The following RALGAPA2 variants were observed in gnomAD, a reference collection of about 807,000 sequenced individuals.
RALGAPA2 encodes Ral GTPase activating protein catalytic subunit alpha 2, also known as ral GTPase-activating protein subunit alpha-2.
Under a neutral mutation model 230.4 loss-of-function variants are expected in RALGAPA2, and 139 were observed. That is an observed-to-expected ratio of 0.60 (90% confidence interval 0.53 to 0.69). RALGAPA2 has a LOEUF of 0.69. Ranked by LOEUF, RALGAPA2 falls within the 30% of genes least tolerant of loss-of-function variation. RALGAPA2 has a pLI of 0.00. For synonymous variants in RALGAPA2, 847 were observed against 837.8 expected, an observed-to-expected ratio of 1.01 and a Z score of -0.19; for missense variants, 2,163 against 2,276.0, an observed-to-expected ratio of 0.95 and a Z score of 1.01.
intron 3 of RALGAPA2, among the ~76,000 whole-genome samples, chr20:20,661,708 G>A (rs2067784055): frequency 6.6e-6 from 1 of 152,090 alleles, no homozygotes; most frequent in African/African-American, 2.4e-5. Flanking sequence ...GTATAAGCAG[G>A]TTAAATTCCC....
chr20:20,488,710 C>A (rs983310026), intron 36 of RALGAPA2, among the ~76,000 whole-genome samples: 1 of 152,182 alleles, frequency 6.6e-6, no homozygotes, highest in South Asian at 2.1e-4. Context: ...CTCCTTCCTG[C>A]CCATTCTATC....
chr20:20,458,193 G>A (rs1367323781), intron 37 of RALGAPA2, among the ~76,000 whole-genome samples: 6 of 152,014 alleles, frequency 3.9e-5, no homozygotes, highest in Non-Finnish European at 7.4e-5. Context: ...GAAACATGCT[G>A]TAAAGAGAAA....
chr20:20,551,807 A>G (rs963525773), intron 23 of RALGAPA2, among the ~76,000 whole-genome samples: 1 of 152,210 alleles, frequency 6.6e-6, no homozygotes, highest in South Asian at 2.1e-4. Flanking sequence ...TGACCTTTAG[A>G]GCGATAAATG....
At chr20:20,472,770 T>C in intron 37 of RALGAPA2, 59 bp downstream of exon 37, 1 of 1,549,132 alleles carries the variant, frequency 6.5e-7, no homozygotes, top group Non-Finnish European at 8.7e-7. Context: ...TATGAAAAAC[T>C]GCCAGGAATC....
chr20:20,640,960 G>C, intron 5 of RALGAPA2, 82 bp from the exon 6 acceptor site: 1 of 1,256,178 alleles, frequency 8.0e-7, no homozygotes, highest in Non-Finnish European at 1.1e-6. Flanking sequence ...TCTTGAGAAA[G>C]AAAAACTACA....
intron 23 of RALGAPA2, among the ~76,000 whole-genome samples, chr20:20,557,813 T>C (rs1390909422): frequency 6.6e-6 from 1 of 152,142 alleles, no homozygotes; most frequent in African/African-American, 2.4e-5. Flanking sequence ...CATTCAATCT[T>C]TTAATTTAAC....
intron 12 of RALGAPA2, among the ~76,000 whole-genome samples, chr20:20,616,510 A>G (rs999880595): frequency 1.3e-5 from 2 of 152,216 alleles, no homozygotes; most frequent in Non-Finnish European, 2.9e-5. Flanking sequence ...CAACCCCTCA[A>G]CAAAAAAAGG....
Position 20,635,667 on chromosome 20 carries a change from T to C in RALGAPA2, c.806-50A>G, listed in dbSNP as rs750003068. 3.6e-6 allele frequency: 5 copies of C among 1,393,478 alleles called. No individual in the cohort carries two copies. The South Asian group carries it at 6.9e-5, about 19-fold the overall frequency. 86.3% of individuals were successfully genotyped at this position (1,393,478 alleles called of 1,614,324 possible). Reference sequence around the variant, plus strand: ...TGATTAGGTTAATAAATCATAACATTAAGTAATCCCTACAAATGTTTTGGT... The same window carrying C: ...TGATTAGGTTAATAAATCATAACATCAAGTAATCCCTACAAATGTTTTGGT... On this transcript the variant is annotated intron_variant, in intron 8 of 39. Coordinates refer to ENST00000202677, the MANE Select transcript of RALGAPA2 (RefSeq NM_020343.4).
At chr20:20,501,327 CTTAG>C (rs1200700541) in intron 35 of RALGAPA2, among the ~76,000 whole-genome samples, 2 of 152,250 alleles carry the variant, frequency 1.3e-5, no homozygotes, top group East Asian at 1.9e-4. Context: ...CATCAGTGAT[CTTAG>C]TTAGATCTTC....
chr20:20,628,830 T>A (rs2066575868), intron 10 of RALGAPA2, among the ~76,000 whole-genome samples: 1 of 152,184 alleles, frequency 6.6e-6, no homozygotes, highest in African/African-American at 2.4e-5. Context: ...ACACCTCTTT[T>A]CGTGTCTTGG....
At chr20:20,706,032 T>G (rs1355038712) in intron 1 of RALGAPA2, among the ~76,000 whole-genome samples, 1 of 152,218 alleles carries the variant, frequency 6.6e-6, no homozygotes, top group Non-Finnish European at 1.5e-5. Context: ...TAACCAAAAA[T>G]CAGTACTCTA....
At chr20:20,665,754 A>G (rs2067938455) in intron 3 of RALGAPA2, among the ~76,000 whole-genome samples, 1 of 152,212 alleles carries the variant, frequency 6.6e-6, no homozygotes, top group Admixed American at 6.5e-5. Flanking sequence ...TAGACATTTC[A>G]CAATCAAAAT....
intron 38 of RALGAPA2, among the ~76,000 whole-genome samples, chr20:20,405,936 C>G (rs1312610477): frequency 6.6e-6 from 1 of 152,202 alleles, no homozygotes; most frequent in African/African-American, 2.4e-5. Context: ...CCTTTCTATT[C>G]ACTCCTGTTG....
intron 20 of RALGAPA2, among the ~76,000 whole-genome samples, chr20:20,578,429 C>T (rs961108127): frequency 2.6e-5 from 4 of 152,082 alleles, no homozygotes; most frequent in East Asian, 1.9e-4. Context: ...CTACTTAATG[C>T]TATACGGGTG....
chr20:20,626,229 T>C (rs559409786), intron 10 of RALGAPA2, among the ~76,000 whole-genome samples: 1 of 152,324 alleles, frequency 6.6e-6, no homozygotes, highest in South Asian at 2.1e-4. Flanking sequence ...TTGTTTTCCA[T>C]AAAAGAGAAA....
chr20:20,458,519 T>A lies in RALGAPA2; in HGVS notation c.5495+14310A>T, dbSNP rs1449105120. 5.6e-4 allele frequency among the ~76,000 whole-genome samples: 77 copies of A among 137,370 alleles called. 1 individual carries two copies. Among genetic ancestry groups the A allele is most frequent in the Non-Finnish European group, 6.0e-4 (39 of 64,720 alleles). 90.1% of individuals were successfully genotyped at this position (137,370 alleles called of 152,430 possible). A position where few individuals can be genotyped will look rare whatever the true frequency, so the allele number is the denominator to read the frequency against. Reference sequence around the variant, plus strand: ...ATATATTATATATAATATATATGTATTTTATATATATTATATATAATATAT... The same window carrying A: ...ATATATTATATATAATATATATGTAATTTATATATATTATATATAATATAT... On this transcript the variant is annotated intron_variant, in intron 37 of 39. Transcript: ENST00000202677.
chr20:20,524,264 T>C, intron 30 of RALGAPA2, 142 bp downstream of exon 30: 7 of 1,196,326 alleles, frequency 5.9e-6, no homozygotes, highest in Non-Finnish European at 8.0e-6. Flanking sequence ...CCAAGTTATT[T>C]ACTTTTTAAG....
rs35240382 is a variant in RALGAPA2, at chr20:20,582,161, AGTGTGTGTGTGTGTGTGTGTGTGT to A, written c.2707+865_2707+888del. 3.4e-5 allele frequency among the ~76,000 whole-genome samples: 5 copies of A among 146,160 alleles called. No homozygotes were observed. In the South Asian group the frequency reaches 6.7e-4, roughly 20 times the overall value. On this transcript the variant is annotated intron_variant, in intron 20 of 39. Transcript: ENST00000202677. ...GAGGTTGACTTACCCAGTGTCACACAGTGTGTGTGTGTGTGTGTGTGTGTGTGTGTGTGTGTCTGTGTGTGTGTA... is the reference window on the plus strand; with the variant it reads ...GAGGTTGACTTACCCAGTGTCACACAGTGTGTGTGTGTCTGTGTGTGTGTA...
rs181051450 is a variant in RALGAPA2, at chr20:20,505,444, T to A, written c.5019A>T (p.Ala1673=). 1.2e-6 allele frequency: 2 copies of A among 1,602,006 alleles called. No individual in the cohort carries two copies. Among genetic ancestry groups the A allele is most frequent in the African/African-American group, 2.7e-5 (2 of 74,906 alleles). ...CAAGTCCAGCAACAAAGTCTTCATATGCTTGGCTTCCTCTTTCATTAGAGA... is the reference window on the plus strand; with the variant it reads ...CAAGTCCAGCAACAAAGTCTTCATAAGCTTGGCTTCCTCTTTCATTAGAGA... ...SILSNERGSQ[A]YEDFVAGLGW... is the part of the protein sequence containing the mutation. Residue 1673 remains alanine, a synonymous_variant, in exon 34 of 40, where the codon GCA becomes GCT. Transcript: ENST00000202677.
Sources: gnomAD v4.1 joint callset for allele counts (sites outside exome capture counted in the v4.1 genomes callset) on GRCh38, gnomAD v4.1.1 for gene constraint, MANE v1.5 for transcripts, NCBI Gene and HGNC (gene_info 2026-07-23, HGNC 2026-07-21) for gene names.